STK32B: variants seen among roughly 807,000 people sequenced by gnomAD.
STK32B encodes the protein serine/threonine-protein kinase 32B.
In STK32B, 43 loss-of-function variants were observed where a neutral mutation model predicts 52.6. The ratio of observed to expected loss-of-function variants is 0.82; its 90% CI spans 0.64 to 1.05. The LOEUF (loss-of-function observed/expected upper bound fraction) is 1.05. Among genes scored for constraint, STK32B ranks in the 50% least tolerant of loss-of-function variants. The pLI, the probability that STK32B is intolerant of heterozygous loss-of-function variation, is 0.00. For missense variants in STK32B, 621 were observed against 534.6 expected, an observed-to-expected ratio of 1.16 and a Z score of -1.59; for synonymous variants, 238 against 204.3, an observed-to-expected ratio of 1.17 and a Z score of -1.41.
At chr4:5,171,774 T>C (rs1437557856) in intron 3 of STK32B, among the ~76,000 whole-genome samples, 1 of 148,872 alleles carries the variant, frequency 6.7e-6, no homozygotes, top group Admixed American at 6.7e-5. Context: ...TGGCTTAGGA[T>C]TGACTTGGCA....
chr4:5,229,338 C>T (rs973919013), intron 3 of STK32B, among the ~76,000 whole-genome samples: 4 of 152,036 alleles, frequency 2.6e-5, no homozygotes, highest in African/African-American at 9.7e-5. Flanking sequence ...TACTAGAAGC[C>T]CAGACCTCAC....
At chr4:5,098,084 A>C (rs1355771458) in intron 1 of STK32B, among the ~76,000 whole-genome samples, 1 of 152,230 alleles carries the variant, frequency 6.6e-6, no homozygotes, top group Non-Finnish European at 1.5e-5. Flanking sequence ...GTTCCAAGAA[A>C]CATCACTCGC....
intron 2 of STK32B, among the ~76,000 whole-genome samples, chr4:5,154,650 C>T (rs1454704823): frequency 6.6e-6 from 1 of 152,186 alleles, no homozygotes; most frequent in Non-Finnish European, 1.5e-5. Context: ...GTGTCTGGTG[C>T]TCCTAGTGTC....
In STK32B at chr4:5,174,491, G is replaced by A. The variant is rs373761323; in HGVS notation, c.260+6041G>A. ...TTCCTTCAGGAGCTCTTTTAGGGCAGGCCTGGTGGTGACAAAATCTCTCAG... is the reference window on the plus strand; with the variant it reads ...TTCCTTCAGGAGCTCTTTTAGGGCAAGCCTGGTGGTGACAAAATCTCTCAG... On this transcript the variant is annotated intron_variant, in intron 3 of 11. Transcript: ENST00000282908. 4.6e-5 allele frequency among the ~76,000 whole-genome samples: 7 copies of A among 152,168 alleles called. No individual in the cohort carries two copies. In the East Asian group the frequency reaches 5.8e-4, roughly 13 times the overall value.
intron 1 of STK32B, among the ~76,000 whole-genome samples, chr4:5,134,121 G>C (rs1486317553): frequency 1.3e-5 from 2 of 152,170 alleles, no homozygotes; most frequent in African/African-American, 4.8e-5. Context: ...GCATAAACTG[G>C]GCCAGGTGTG....
chr4:5,101,432 TC>T (rs1220255237), intron 1 of STK32B, among the ~76,000 whole-genome samples: 4 of 152,158 alleles, frequency 2.6e-5, no homozygotes, highest in African/African-American at 9.7e-5. Context: ...GAAAATTACT[TC>T]TTTTGTCAAT....
intron 4 of STK32B, among the ~76,000 whole-genome samples, chr4:5,372,549 A>G (rs992916321): frequency 6.6e-6 from 1 of 152,188 alleles, no homozygotes; most frequent in Non-Finnish European, 1.5e-5. Context: ...CTAATATTTC[A>G]TCATACACTA....
chr4:5,055,390 A>G (rs929748251), intron 1 of STK32B, among the ~76,000 whole-genome samples: 4 of 151,524 alleles, frequency 2.6e-5, no homozygotes, highest in African/African-American at 9.7e-5. Flanking sequence ...TGTCCAAGCC[A>G]TGTCACAGCT....
intron 6 of STK32B, chr4:5,437,825 C>G (rs1479804891): frequency 1.3e-6 from 1 of 773,316 alleles, no homozygotes; most frequent in African/African-American, 1.9e-5. Flanking sequence ...AGCTCTAAAC[C>G]TGTGTAGTTC....
intron 4 of STK32B, among the ~76,000 whole-genome samples, chr4:5,374,572 T>C (rs1185033315): frequency 6.6e-6 from 1 of 152,088 alleles, no homozygotes; most frequent in Non-Finnish European, 1.5e-5. Context: ...AGAATCAGTG[T>C]CTGGCGAGGG....
intron 1 of STK32B, among the ~76,000 whole-genome samples, chr4:5,113,867 A>G (rs1252074228): frequency 3.9e-5 from 6 of 152,152 alleles, no homozygotes; most frequent in Non-Finnish European, 7.3e-5. Flanking sequence ...GGAGGACCGA[A>G]TCACATCTTA....
chr4:5,444,342 T>C (rs1000156255), intron 6 of STK32B, among the ~76,000 whole-genome samples: 2 of 152,220 alleles, frequency 1.3e-5, no homozygotes, highest in Non-Finnish European at 2.9e-5. Flanking sequence ...GCGCAGTATT[T>C]GGGTGGGAGT....
chr4:5,245,445 A>T (rs1290307797), intron 3 of STK32B, among the ~76,000 whole-genome samples: 1 of 152,002 alleles, frequency 6.6e-6, no homozygotes, highest in African/African-American at 2.4e-5. Context: ...ATCTTCCTCC[A>T]TCCCTTTACT....
intron 3 of STK32B, among the ~76,000 whole-genome samples, chr4:5,176,115 A>G (rs1453657727): frequency 6.6e-6 from 1 of 152,186 alleles, no homozygotes; most frequent in Non-Finnish European, 1.5e-5. Context: ...GCGGGATATA[A>G]TCTCCTGGTG....
intron 1 of STK32B, among the ~76,000 whole-genome samples, chr4:5,115,657 G>A (rs530018448): frequency 6.6e-6 from 1 of 151,148 alleles, no homozygotes; most frequent in Non-Finnish European, 1.5e-5. Flanking sequence ...CCCCAGCCCA[G>A]GGAGGAGTTT....
intron 4 of STK32B, among the ~76,000 whole-genome samples, chr4:5,350,895 G>A (rs189939753): frequency 2.6e-5 from 4 of 152,018 alleles, no homozygotes; most frequent in African/African-American, 9.6e-5. Context: ...GATAAAGAAG[G>A]TCAATATATA....
chr4:5,444,180 G>A (rs1395310361), intron 6 of STK32B, among the ~76,000 whole-genome samples: 1 of 152,192 alleles, frequency 6.6e-6, no homozygotes, highest in Non-Finnish European at 1.5e-5. Flanking sequence ...CTGGGCAATG[G>A]CGGGCGCCCC....
At chr4:5,389,666 T>C (rs1736472178) in intron 4 of STK32B, among the ~76,000 whole-genome samples, 2 of 152,208 alleles carry the variant, frequency 1.3e-5, no homozygotes, top group African/African-American at 4.8e-5. Context: ...ACAAAGGAAT[T>C]TGGAGGAACA....
intron 3 of STK32B, among the ~76,000 whole-genome samples, chr4:5,195,364 C>T (rs1286430424): frequency 1.3e-5 from 2 of 152,254 alleles, no homozygotes; most frequent in Middle Eastern, 3.4e-3. Context: ...AGGCCAGCAA[C>T]CTGCTGCTCC....
Sources: allele counts gnomAD v4.1 joint callset (sites outside exome capture counted in the v4.1 genomes callset), GRCh38; gene constraint gnomAD v4.1.1; transcripts MANE v1.5; gene names NCBI Gene and HGNC (gene_info 2026-07-23, HGNC 2026-07-21).